Variants in LRRTM4 observed in about 807,000 individuals in gnomAD.
LRRTM4 encodes the protein leucine rich repeat transmembrane neuronal 4, also known as leucine-rich repeat transmembrane neuronal protein 4.
LRRTM4 carries 25 observed loss-of-function variants against 47.6 expected under a neutral mutation model. That is an observed-to-expected ratio of 0.53 (90% CI 0.38 to 0.73). The LOEUF (loss-of-function observed/expected upper bound fraction) is 0.73. Ranked by LOEUF, LRRTM4 falls within the 30% of genes least tolerant of loss-of-function variation. LRRTM4 has a pLI of 0.00. For synonymous variants in LRRTM4, 311 were observed against 269.5 expected (o/e 1.15, Z -1.51); for missense variants, 638 against 713.4 (o/e 0.89, Z 1.20).
intron 3 of LRRTM4, among the ~76,000 whole-genome samples, chr2:77,250,403 G>C (rs1236098912): frequency 6.6e-6 from 1 of 152,150 alleles, no homozygotes; most frequent in East Asian, 1.9e-4. Flanking sequence ...CATATGCATA[G>C]ATGGAGTAGA....
Position 77,080,023 on chromosome 2 carries a change from T to C in LRRTM4, c.1552-331107A>G, listed in dbSNP as rs955173188. Reference sequence around the variant, plus strand: ...TTATATTCACTGTCTGCAATTCTTTTATTTTCATTCTCTCTAAATTTATTC... The same window carrying C: ...TTATATTCACTGTCTGCAATTCTTTCATTTTCATTCTCTCTAAATTTATTC... On this transcript the variant is annotated intron_variant, in intron 3 of 3. Coordinates refer to ENST00000409884, the MANE Select transcript of LRRTM4 (RefSeq NM_001134745.3). Among the ~76,000 whole-genome samples, 66 of 152,318 alleles carry C rather than the reference T, an allele frequency of 4.3e-4. 1 individual carries two copies. The highest frequency in any genetic ancestry group is 1.2e-3 in the African/African-American group (49 of 41,596).
intron 3 of LRRTM4, among the ~76,000 whole-genome samples, chr2:77,415,322 G>C (rs1320599471): frequency 6.6e-6 from 1 of 152,040 alleles, no homozygotes; most frequent in Non-Finnish European, 1.5e-5. Context: ...CATTTTTACT[G>C]TATTACAGGC....
At chr2:76,754,360 C>T (rs1672954280) in intron 3 of LRRTM4, among the ~76,000 whole-genome samples, 1 of 151,744 alleles carries the variant, frequency 6.6e-6, no homozygotes, top group Non-Finnish European at 1.5e-5. Context: ...GATAGAACCT[C>T]AACTCATTTA....
rs542858969 is a variant in LRRTM4, at chr2:77,003,212, C to T, written c.1552-254296G>A. Among the ~76,000 whole-genome samples, 34 of 151,746 alleles carry T rather than the reference C, an allele frequency of 2.2e-4. No individual in the cohort carries two copies. The South Asian group carries it at 3.3e-3, about 15-fold the overall frequency. ...CTTCCTGTTGATAGAATTTTGTCCACGTTTGTGTTTCTTATAATTTAAGCT... is the reference window on the plus strand; with the variant it reads ...CTTCCTGTTGATAGAATTTTGTCCATGTTTGTGTTTCTTATAATTTAAGCT... On this transcript the variant is annotated intron_variant, in intron 3 of 3. Transcript: ENST00000409884.
intron 3 of LRRTM4, among the ~76,000 whole-genome samples, chr2:76,801,943 G>T (rs1675713849): frequency 6.6e-6 from 1 of 152,070 alleles, no homozygotes; most frequent in South Asian, 2.1e-4. Context: ...AAAGACTCTT[G>T]AGAAATTAGA....
intron 3 of LRRTM4, among the ~76,000 whole-genome samples, chr2:77,036,355 G>C (rs1678837454): frequency 6.6e-6 from 1 of 151,596 alleles, no homozygotes; most frequent in South Asian, 2.1e-4. Flanking sequence ...TCCTAGTTTA[G>C]GGTATTTCTT....
Position 76,962,264 on chromosome 2 carries a change from C to T in LRRTM4, c.1552-213348G>A, listed in dbSNP as rs183664854. ...ACAGTTTTGTACAAAACAGCATGTA[C>T]AAGATTAGACACATACAAAAATTTC... On this transcript the variant is annotated intron_variant, in intron 3 of 3. Coordinates refer to ENST00000409884, the MANE Select transcript of LRRTM4 (RefSeq NM_001134745.3). 8.6e-3 allele frequency among the ~76,000 whole-genome samples: 1,307 copies of T among 151,234 alleles called. 27 individuals are homozygous for T. The highest frequency in any genetic ancestry group is 0.029 in the African/African-American group (1,206 of 41,420).
At chr2:76,849,649 A>C (rs1671934811) in intron 3 of LRRTM4, among the ~76,000 whole-genome samples, 1 of 152,114 alleles carries the variant, frequency 6.6e-6, no homozygotes, top group South Asian at 2.1e-4. Context: ...TCTCTATCAA[A>C]TTCTTCCTTA....
chr2:77,454,448 T>C (rs1042921643), intron 3 of LRRTM4, among the ~76,000 whole-genome samples: 1 of 152,188 alleles, frequency 6.6e-6, no homozygotes, highest in Non-Finnish European at 1.5e-5. Context: ...TTAGTTTTCA[T>C]AGAATAAGCA....
intron 3 of LRRTM4, among the ~76,000 whole-genome samples, chr2:76,770,138 T>C (rs922393918): frequency 3.9e-5 from 6 of 152,114 alleles, no homozygotes; most frequent in African/African-American, 1.2e-4. Context: ...GAAATGTAAG[T>C]TTCAAAAAGG....
chr2:77,333,241 A>G (rs756376322), intron 3 of LRRTM4, among the ~76,000 whole-genome samples: 3 of 152,172 alleles, frequency 2.0e-5, no homozygotes, highest in Non-Finnish European at 2.9e-5. Context: ...AATTGATACC[A>G]GGAGTGGGGT....
intron 3 of LRRTM4, among the ~76,000 whole-genome samples, chr2:77,117,639 G>A (rs899152555): frequency 1.1e-4 from 17 of 151,716 alleles, no homozygotes; most frequent in Admixed American, 4.6e-4. Flanking sequence ...ATTTATTTAT[G>A]CACTTAAATT....
chr2:77,072,084 A>G (rs1680173052), intron 3 of LRRTM4, among the ~76,000 whole-genome samples: 1 of 152,160 alleles, frequency 6.6e-6, no homozygotes, highest in Non-Finnish European at 1.5e-5. Context: ...ATACATTTTT[A>G]TATATACATT....
chr2:77,175,115 G>C (rs1393963463), intron 3 of LRRTM4, among the ~76,000 whole-genome samples: 1 of 148,426 alleles, frequency 6.7e-6, no homozygotes, highest in Non-Finnish European at 1.5e-5. Context: ...CTTCACACAG[G>C]CTGGAGTACA....
At chr2:77,151,058 T>G (rs968578835) in intron 3 of LRRTM4, among the ~76,000 whole-genome samples, 1 of 152,170 alleles carries the variant, frequency 6.6e-6, no homozygotes, top group Non-Finnish European at 1.5e-5. Flanking sequence ...TTTGGACATG[T>G]GCAAATACCT....
chr2:77,000,282 T>G (rs1049472310), intron 3 of LRRTM4, among the ~76,000 whole-genome samples: 3 of 150,974 alleles, frequency 2.0e-5, no homozygotes, highest in African/African-American at 7.3e-5. Flanking sequence ...ATACAGTCTA[T>G]CTCCTTCTCA....
At chr2:77,337,560 G>C (rs1346161049) in intron 3 of LRRTM4, among the ~76,000 whole-genome samples, 2 of 152,048 alleles carry the variant, frequency 1.3e-5, no homozygotes, top group African/African-American at 4.8e-5. Flanking sequence ...GTTTTCGTGA[G>C]ATCTGGTGGT....
At chr2:76,949,425 T>C (rs1211668550) in intron 3 of LRRTM4, among the ~76,000 whole-genome samples, 4 of 151,928 alleles carry the variant, frequency 2.6e-5, no homozygotes, top group Non-Finnish European at 5.9e-5. Flanking sequence ...AGGTAAACCC[T>C]GTTCTACTAG....
intron 3 of LRRTM4, among the ~76,000 whole-genome samples, chr2:76,907,019 C>G (rs972747504): frequency 6.6e-6 from 1 of 152,134 alleles, no homozygotes; most frequent in Non-Finnish European, 1.5e-5. Context: ...GAACTCTCCA[C>G]CCCAAATCAA....
Sources: allele counts gnomAD v4.1 joint callset (sites outside exome capture counted in the v4.1 genomes callset), GRCh38; gene constraint gnomAD v4.1.1; transcripts MANE v1.5; gene names NCBI Gene and HGNC (gene_info 2026-07-23, HGNC 2026-07-21).